Variants in BBX observed in about 807,000 individuals in gnomAD.
The protein encoded by BBX is HMG box transcription factor BBX.
A neutral mutation model predicts 100.2 loss-of-function variants in BBX; 30 were observed. That is an observed-to-expected ratio of 0.30 (90% confidence interval 0.22 to 0.41). The LOEUF is 0.41. BBX is among the 10% of genes least tolerant of loss of function. BBX has a pLI of 1.00. For missense variants in BBX, 1,023 were observed against 1,129.8 expected (o/e 0.91, Z 1.35); for synonymous variants, 376 against 388.1 (o/e 0.97, Z 0.37).
intron 2 of BBX, among the ~76,000 whole-genome samples, chr3:107,613,738 C>T (rs770238681): frequency 2.6e-5 from 4 of 151,932 alleles, no homozygotes; most frequent in African/African-American, 4.8e-5. Context: ...AAACCCTAAC[C>T]TCTCAAAATT....
At chr3:107,643,457 A>G (rs985280907) in intron 2 of BBX, among the ~76,000 whole-genome samples, 1 of 152,026 alleles carries the variant, frequency 6.6e-6, no homozygotes, top group African/African-American at 2.4e-5. Context: ...TGAAAAGGGA[A>G]AGACAAGTTC....
At chr3:107,694,042 T>G (rs1388316170) in intron 3 of BBX, among the ~76,000 whole-genome samples, 8 of 144,480 alleles carry the variant, frequency 5.5e-5, no homozygotes, top group Non-Finnish European at 9.0e-5. Flanking sequence ...GTACATTGAT[T>G]TTGTATCCTG....
chr3:107,601,890 T>C (rs2107622524), intron 2 of BBX, among the ~76,000 whole-genome samples: 1 of 152,334 alleles, frequency 6.6e-6, no homozygotes, highest in Middle Eastern at 3.4e-3. Flanking sequence ...AATGCCTAGC[T>C]TCAAAGAGCT....
chr3:107,586,971 G>A (rs1576406170), intron 2 of BBX, among the ~76,000 whole-genome samples: 4 of 151,884 alleles, frequency 2.6e-5, no homozygotes, highest in Admixed American at 1.3e-4. Flanking sequence ...GCCTGATCTC[G>A]AACTCCTGAC....
chr3:107,792,948 T>A (rs2069210612), intron 15 of BBX, among the ~76,000 whole-genome samples: 1 of 152,172 alleles, frequency 6.6e-6, no homozygotes, highest in African/African-American at 2.4e-5. Context: ...AAAGAGCACT[T>A]ACCTGGGAGT....
At chr3:107,788,505 G>A (rs1203675641) in intron 13 of BBX, among the ~76,000 whole-genome samples, 2 of 152,090 alleles carry the variant, frequency 1.3e-5, no homozygotes, top group Non-Finnish European at 2.9e-5. Flanking sequence ...GAATGAGGCT[G>A]GGCACAGTGG....
chr3:107,718,224 TA>T (rs1291182844), intron 5 of BBX, among the ~76,000 whole-genome samples: 2 of 147,860 alleles, frequency 1.4e-5, no homozygotes, highest in Non-Finnish European at 3.0e-5. Context: ...GTATAATTAT[TA>T]ATTTTATTAG....
intron 2 of BBX, among the ~76,000 whole-genome samples, chr3:107,608,211 C>T (rs2054589466): frequency 6.6e-6 from 1 of 152,072 alleles, no homozygotes; most frequent in Non-Finnish European, 1.5e-5. Context: ...CGATTTAAGT[C>T]TTTAATCCAT....
At chr3:107,703,774 T>C (rs1201503206) in intron 3 of BBX, among the ~76,000 whole-genome samples, 1 of 152,260 alleles carries the variant, frequency 6.6e-6, no homozygotes, top group Non-Finnish European at 1.5e-5. Context: ...TCATTAGAAT[T>C]ACAAGAAATA....
intron 3 of BBX, among the ~76,000 whole-genome samples, chr3:107,664,723 T>C (rs2107881152): frequency 6.6e-6 from 1 of 152,364 alleles, no homozygotes; most frequent in South Asian, 2.1e-4. Flanking sequence ...AACTGTCAGC[T>C]GTTTCTGACT....
chr3:107,637,759 T>A (rs1436945164), intron 2 of BBX, among the ~76,000 whole-genome samples: 2 of 152,180 alleles, frequency 1.3e-5, no homozygotes, highest in African/African-American at 4.8e-5. Context: ...TGATGGCCTT[T>A]TGTGTAGTCA....
intron 15 of BBX, among the ~76,000 whole-genome samples, chr3:107,794,311 C>A (rs36107229): frequency 0.12 from 17,553 of 151,996 alleles, 1,333 homozygotes; most frequent in Middle Eastern, 0.18. Flanking sequence ...GCAACACAAG[C>A]AGATAGGGAA....
chr3:107,629,652 G>T (rs774467129), intron 2 of BBX, among the ~76,000 whole-genome samples: 18 of 151,986 alleles, frequency 1.2e-4, no homozygotes, highest in Non-Finnish European at 2.1e-4. Context: ...AGTAATCATG[G>T]CATACTTCTG....
chr3:107,643,220 T>C (rs2057323248), intron 2 of BBX, among the ~76,000 whole-genome samples: 1 of 152,186 alleles, frequency 6.6e-6, no homozygotes, highest in Admixed American at 6.5e-5. Context: ...GTGTGAGAGC[T>C]GTGTCAAAAA....
intron 2 of BBX, among the ~76,000 whole-genome samples, chr3:107,552,369 AAAAAG>A (rs1389242702): frequency 5.7e-5 from 7 of 122,440 alleles, no homozygotes; most frequent in Admixed American, 9.4e-5. Flanking sequence ...AAAAAAAAAA[AAAAAG>A]GGATTGCTCT....
chr3:107,746,858 A>G (rs1444139901), intron 8 of BBX, among the ~76,000 whole-genome samples: 4 of 152,120 alleles, frequency 2.6e-5, no homozygotes, highest in Non-Finnish European at 5.9e-5. Context: ...AGTTTTTGTG[A>G]TGAAAGAGTT....
At chr3:107,605,449 T>C (rs2054365205) in intron 2 of BBX, among the ~76,000 whole-genome samples, 1 of 152,116 alleles carries the variant, frequency 6.6e-6, no homozygotes, top group Non-Finnish European at 1.5e-5. Flanking sequence ...ATGGATTTGT[T>C]ATTCACTCAG....
intron 2 of BBX, among the ~76,000 whole-genome samples, chr3:107,567,510 TA>T (rs1576333541): frequency 1.3e-5 from 2 of 152,190 alleles, no homozygotes; most frequent in African/African-American, 4.8e-5. Context: ...TTTTCCCTTC[TA>T]AAGATTTGCT....
At chr3:107,614,710 AT>A (rs1253026510) in intron 2 of BBX, among the ~76,000 whole-genome samples, 1 of 152,106 alleles carries the variant, frequency 6.6e-6, no homozygotes, top group South Asian at 2.1e-4. Flanking sequence ...GTTATACTGT[AT>A]TTTTTATTGT....
Sources: allele counts gnomAD v4.1 joint callset (sites outside exome capture counted in the v4.1 genomes callset), GRCh38; gene constraint gnomAD v4.1.1; transcripts MANE v1.5; gene names NCBI Gene and HGNC (gene_info 2026-07-23, HGNC 2026-07-21).